SLC14A2: variants seen among roughly 807,000 people sequenced by gnomAD.
SLC14A2 encodes urea transporter 2.
A neutral mutation model predicts 104.6 loss-of-function variants in SLC14A2; 91 were observed. The ratio of observed to expected loss-of-function variants is 0.87; its 90% CI spans 0.73 to 1.04. SLC14A2 has a LOEUF of 1.04. Among genes scored for constraint, SLC14A2 ranks in the 50% least tolerant of loss-of-function variants. The pLI is 0.00. For missense variants in SLC14A2, 1,189 were observed against 1,156.0 expected (o/e 1.03, Z -0.41); for synonymous variants, 476 against 466.4 (o/e 1.02, Z -0.27).
chr18:45,406,725 A>T (rs1300744679), intron 1 of SLC14A2, among the ~76,000 whole-genome samples: 1 of 152,172 alleles, frequency 6.6e-6, no homozygotes, highest in East Asian at 1.9e-4. Context: ...CACAACATCC[A>T]TTGTTGGCAT....
chr18:45,657,503 AG>A (rs1395296818), intron 10 of SLC14A2, among the ~76,000 whole-genome samples: 15 of 137,644 alleles, frequency 1.1e-4, no homozygotes, highest in Non-Finnish European at 8.1e-5. Context: ...AAAAAAAAAA[AG>A]AAAGGAAAGA....
At chr18:45,212,432 T>C (rs1284234988), upstream of SLC14A2, among the ~76,000 whole-genome samples, 2 of 152,228 alleles carry the variant, frequency 1.3e-5, no homozygotes, top group Admixed American at 1.3e-4. Context: ...TCAAATTTCC[T>C]TTGGTGAAAA....
intron 1 of SLC14A2, among the ~76,000 whole-genome samples, chr18:45,321,678 G>C (rs994831766): frequency 6.6e-6 from 1 of 152,172 alleles, no homozygotes; most frequent in Non-Finnish European, 1.5e-5. Context: ...AGCAGAGTCC[G>C]GGGGATGCTG....
At chr18:45,532,176 C>CG (rs1383224578) in intron 2 of SLC14A2, among the ~76,000 whole-genome samples, 1 of 152,106 alleles carries the variant, frequency 6.6e-6, no homozygotes, top group Non-Finnish European at 1.5e-5. Flanking sequence ...ATTGACTTGG[C>CG]AGTGCGGGCT....
At chr18:45,297,677 G>T (rs183674957) in intron 1 of SLC14A2, among the ~76,000 whole-genome samples, 13 of 150,850 alleles carry the variant, frequency 8.6e-5, no homozygotes, top group Non-Finnish European at 1.3e-4. Context: ...AAAAAAAAAT[G>T]TACGTGAAGG....
chr18:45,432,364 A>G (rs756511220), intron 1 of SLC14A2, among the ~76,000 whole-genome samples: 2 of 152,206 alleles, frequency 1.3e-5, no homozygotes, highest in Non-Finnish European at 2.9e-5. Flanking sequence ...TTATGAAACC[A>G]TCCTCCAAAG....
chr18:45,235,207 A>C (rs1255648121), intron 1 of SLC14A2, among the ~76,000 whole-genome samples: 1 of 152,194 alleles, frequency 6.6e-6, no homozygotes, highest in East Asian at 1.9e-4. Flanking sequence ...ATAGGTGCCA[A>C]GGGGTCCCCT....
At chr18:45,564,376 C>G (rs1413684392) in intron 2 of SLC14A2, among the ~76,000 whole-genome samples, 1 of 152,208 alleles carries the variant, frequency 6.6e-6, no homozygotes, top group Non-Finnish European at 1.5e-5. Flanking sequence ...GACACAGATA[C>G]TCAGGTCTCT....
chr18:45,503,923 C>T (rs1457267879), intron 2 of SLC14A2, among the ~76,000 whole-genome samples: 1 of 146,766 alleles, frequency 6.8e-6, no homozygotes, highest in Admixed American at 6.8e-5. Context: ...AGCTGACTTA[C>T]CCAAAGTTAG....
At chr18:45,667,397 T>C (rs1293242173) in intron 13 of SLC14A2, among the ~76,000 whole-genome samples, 1 of 152,214 alleles carries the variant, frequency 6.6e-6, no homozygotes, top group Non-Finnish European at 1.5e-5. Flanking sequence ...GCATTGGGAT[T>C]CTAGAGCCAG....
intron 1 of SLC14A2, among the ~76,000 whole-genome samples, chr18:45,243,375 T>A (rs1244944111): frequency 6.6e-6 from 1 of 152,138 alleles, no homozygotes; most frequent in Non-Finnish European, 1.5e-5. Flanking sequence ...AGAAGCAGGC[T>A]TGTAGAAGTT....
Position 45,335,676 on chromosome 18 carries a change from A to G in SLC14A2, c.-125+122485A>G, listed in dbSNP as rs376560401. ...AGAAATTTCCAAAATAGCTAGAATT[A>G]TTTTGAATTTTGAAGGCTAAGGAAG... On this transcript the variant is annotated intron_variant, in intron 1 of 20. Transcript: ENST00000586448. Among the ~76,000 whole-genome samples, 141 of 152,330 alleles carry G rather than the reference A, an allele frequency of 9.3e-4. 1 individual carries two copies. The highest frequency in any genetic ancestry group is 1.7e-3 in the Non-Finnish European group (115 of 68,022).
At chr18:45,363,723 T>C (rs2085638350) in intron 1 of SLC14A2, among the ~76,000 whole-genome samples, 1 of 152,118 alleles carries the variant, frequency 6.6e-6, no homozygotes, top group South Asian at 2.1e-4. Flanking sequence ...AAGTAACACA[T>C]TGGGTCTTTG....
At chr18:45,492,065 CAG>C (rs1459972198) in intron 2 of SLC14A2, 2 of 152,290 alleles carry the variant, frequency 1.3e-5, no homozygotes, top group African/African-American at 4.8e-5. Context: ...TTCCTAGTCA[CAG>C]GGGTTCCATC....
chr18:45,680,386 T>C (rs967246560), intron 19 of SLC14A2, among the ~76,000 whole-genome samples: 1 of 152,204 alleles, frequency 6.6e-6, no homozygotes, highest in Non-Finnish European at 1.5e-5. Context: ...AAAATCAAGT[T>C]TACCTAGTTT....
At chr18:45,410,839 C>T (rs1355243703) in intron 1 of SLC14A2, among the ~76,000 whole-genome samples, 1 of 152,190 alleles carries the variant, frequency 6.6e-6, no homozygotes, top group Non-Finnish European at 1.5e-5. Flanking sequence ...CTTAAGAAAA[C>T]CTCCCAGTGC....
intron 1 of SLC14A2, among the ~76,000 whole-genome samples, chr18:45,623,524 C>T (rs1303529419): frequency 6.6e-6 from 1 of 152,134 alleles, no homozygotes; most frequent in Non-Finnish European, 1.5e-5. Context: ...TCTGCCCAAG[C>T]AAGGTGAGTG....
At chr18:45,286,718 TTGTGTGTGTGTGTGTGTGTCTG>T in intron 1 of SLC14A2, among the ~76,000 whole-genome samples, 1 of 150,720 alleles carries the variant, frequency 6.6e-6, no homozygotes, top group Non-Finnish European at 1.5e-5. Context: ...TCCCCCCAAC[TTGTGTGTGTGTGTGTGTGTCTG>T]TGTGTCTCTG....
intron 2 of SLC14A2, among the ~76,000 whole-genome samples, chr18:45,526,347 T>C (rs2043594025): frequency 6.6e-6 from 1 of 152,178 alleles, no homozygotes; most frequent in Non-Finnish European, 1.5e-5. Context: ...TGCAGCAAAA[T>C]GTTCATTCCT....
Sources: allele counts gnomAD v4.1 joint callset (sites outside exome capture counted in the v4.1 genomes callset), GRCh38; gene constraint gnomAD v4.1.1; transcripts MANE v1.5; gene names NCBI Gene and HGNC (gene_info 2026-07-23, HGNC 2026-07-21).